Variants in TAF1D observed in about 807,000 individuals in gnomAD.
TAF1D encodes TATA box-binding protein-associated factor RNA polymerase I subunit D.
Under a neutral mutation model 26.2 loss-of-function variants are expected in TAF1D, and 23 were observed. That is an observed-to-expected ratio of 0.88 (90% CI 0.63 to 1.25). The LOEUF is 1.25. Ranked by LOEUF, TAF1D falls within the 50% of genes most tolerant of loss-of-function variation. The pLI is 0.00. For synonymous variants in TAF1D, 100 were observed against 105.6 expected, an observed-to-expected ratio of 0.95 and a Z score of 0.33; for missense variants, 299 against 322.0, an observed-to-expected ratio of 0.93 and a Z score of 0.55.
rs77234194 is a variant in TAF1D, at chr11:93,739,647, A to C, written c.-27-316T>G. 4.8e-3 allele frequency among the ~76,000 whole-genome samples: 730 copies of C among 152,336 alleles called. 6 individuals are homozygous for C. The highest frequency in any genetic ancestry group is 0.016 in the African/African-American group (651 of 41,574). On this transcript the variant is annotated intron_variant, in intron 1 of 5. Coordinates refer to ENST00000448108, the MANE Select transcript of TAF1D (RefSeq NM_024116.4). Reference sequence around the variant, plus strand: ...TCATTAGCCACATATTTTAACGTACAATTACCAATACAGTATTAATGTACA... The same window carrying C: ...TCATTAGCCACATATTTTAACGTACCATTACCAATACAGTATTAATGTACA...
At chr11:93,736,340 A>T (rs1439414261) in intron 5 of TAF1D, 36 bp from the exon 6 acceptor site, 1 of 1,570,642 alleles carries the variant, frequency 6.4e-7, no homozygotes, top group Non-Finnish European at 8.6e-7. Context: ...GGATTAAGCA[A>T]TAACTCAAAT....
intron 1 of TAF1D, 60 bp from the exon 2 acceptor site, chr11:93,739,391 T>C (rs2135520208): frequency 8.6e-7 from 1 of 1,162,394 alleles, no homozygotes; most frequent in East Asian, 2.4e-5. Flanking sequence ...CAGTATCTAC[T>C]ACAGTGTTGA....
At chr11:93,734,559 G>A, downstream of TAF1D, 1 of 462,576 alleles carries the variant, frequency 2.2e-6, no homozygotes, top group Non-Finnish European at 4.2e-6. Context: ...AATGAAACTT[G>A]CTCTGACAAC....
In TAF1D at chr11:93,738,310, G is replaced by A; in HGVS notation, c.258C>T (p.Asn86=). 2 of 1,608,772 alleles carry A rather than the reference G, an allele frequency of 1.2e-6. No individual in the cohort carries two copies. The highest frequency in any genetic ancestry group is 1.1e-5 in the South Asian group (1 of 89,648). Residue 86 remains asparagine, a synonymous_variant, in exon 3 of 6, where the codon AAC becomes AAT. Transcript: ENST00000448108. ...TIKAIFERFK[N]RKKRYKKKKK... Reference sequence around the variant, plus strand: ...TCTTTTTTTTATATCTCTTTTTCCTGTTCTTGAATCTTTCAAAAATAGCTT... The same window carrying A: ...TCTTTTTTTTATATCTCTTTTTCCTATTCTTGAATCTTTCAAAAATAGCTT...
downstream of TAF1D, chr11:93,731,705 A>C (rs943951292): frequency 3.8e-5 from 14 of 371,060 alleles, no homozygotes; most frequent in Non-Finnish European, 6.4e-5. Flanking sequence ...AAAAGCTAGT[A>C]TTCAACAAAA....
At chr11:93,730,380 A>G (rs1938289555) in exon 12 of TAF1D, 1 of 897,912 alleles carries the variant, frequency 1.1e-6, no homozygotes, top group South Asian at 1.4e-5. Context: ...GATTTCTTCC[A>G]CTGTCCATCA....
chr11:93,738,316 G>C lies in TAF1D; in HGVS notation c.252C>G (p.Phe84Leu). Residue 84 changes from phenylalanine to leucine, a missense_variant, in exon 3 of 6, where the codon TTC (phenylalanine) becomes TTG (leucine). Transcript: ENST00000448108. ...PLTIKAIFER[F>L]KNRKKRYKKK... The stretch of plus-strand genomic sequence containing the variant: ...TTTTATATCTCTTTTTCCTGTTCTT[G>C]AATCTTTCAAAAATAGCTTTTATAG... 2 of 1,609,204 alleles carry C rather than the reference G, an allele frequency of 1.2e-6. No homozygotes were observed. The highest frequency in any genetic ancestry group is 2.2e-5 in the East Asian group (1 of 44,830).
chr11:93,731,899 A>G, downstream of TAF1D: 1 of 394,154 alleles, frequency 2.5e-6, no homozygotes, highest in South Asian at 1.9e-5. Context: ...TATACAGCAC[A>G]TAAAAAAAGT....
downstream of TAF1D, chr11:93,733,928 A>G (rs1021817269): frequency 6.5e-6 from 1 of 152,738 alleles, no homozygotes; most frequent in Non-Finnish European, 1.5e-5. Flanking sequence ...ACTTCCTACT[A>G]CGTTAATCAC....
rs931792781 is a variant in TAF1D at position 93,741,312 on chromosome 11, AG to A, written c.-28+9del. Reference sequence around the variant, plus strand: ...CAGGCCCGGACGGCCTCGCCCTCTTAGCAACCTACCTAAAACGGCCTCGCAG... The same window carrying A: ...CAGGCCCGGACGGCCTCGCCCTCTTACAACCTACCTAAAACGGCCTCGCAG... On this transcript the variant is annotated intron_variant, in intron 1 of 5. Coordinates refer to ENST00000448108, the MANE Select transcript of TAF1D (RefSeq NM_024116.4). 8 of 456,170 alleles carry A rather than the reference AG, an allele frequency of 1.8e-5. No individual in the cohort carries two copies. Among genetic ancestry groups the A allele is most frequent in the African/African-American group, 1.6e-4 (8 of 50,178 alleles). 28.3% of individuals were successfully genotyped at this position (456,170 alleles called of 1,614,324 possible). A position where few individuals can be genotyped will look rare whatever the true frequency, so the allele number is the denominator to read the frequency against.
rs1565243075 is a variant in TAF1D, at chr11:93,737,257, CA to C, written c.460-19del. On this transcript the variant is annotated intron_variant, in intron 3 of 5. Coordinates refer to ENST00000448108, the MANE Select transcript of TAF1D (RefSeq NM_024116.4). ...ACAGCTTGCTATATATTAAAAACAC[CA>C]TAAGTATGTCGAGATTTTATTTTTA... 1 of 1,546,714 alleles carries C rather than the reference CA, an allele frequency of 6.5e-7. No homozygotes were observed. The highest frequency in any genetic ancestry group is 2.3e-5 in the East Asian group (1 of 43,342).
chr11:93,737,314 G>C lies in TAF1D; in HGVS notation c.460-75C>G, dbSNP rs1591283558. ...CAGCAGGTGCCTATGTTCAAAAAGG[G>C]CAATGCCCCCCCTTAGCAAAGACTC... On this transcript the variant is annotated intron_variant, in intron 3 of 5. Transcript: ENST00000448108. 10 of 1,013,088 alleles carry C rather than the reference G, an allele frequency of 9.9e-6. No homozygotes were observed. In the East Asian group the frequency reaches 2.6e-4, roughly 26 times the overall value. The allele number at this position is 1,013,088 out of a possible 1,614,324, so 62.8% of individuals were successfully genotyped here.
At chr11:93,739,532 T>TC (rs1941375494) in intron 1 of TAF1D, among the ~76,000 whole-genome samples, 1 of 152,212 alleles carries the variant, frequency 6.6e-6, no homozygotes, top group Middle Eastern at 3.2e-3. Flanking sequence ...GTTGTTACCC[T>TC]CTAAATGTAT....
chr11:93,733,693 G>T (rs753786516), downstream of TAF1D: 3 of 451,680 alleles, frequency 6.6e-6, no homozygotes, highest in East Asian at 1.7e-4. Context: ...TGAGCCCAGG[G>T]GTTCGAGGCT....
At chr11:93,736,823 A>G in intron 4 of TAF1D, 72 bp from the exon 5 acceptor site, 3 of 1,467,322 alleles carry the variant, frequency 2.0e-6, no homozygotes, top group Non-Finnish European at 2.8e-6. Flanking sequence ...TTCCACTCTG[A>G]AATATAACTG....
chr11:93,741,449 A>G lies in TAF1D; in HGVS notation c.-155T>C, dbSNP rs778361345. On this transcript the variant is annotated 5_prime_UTR_variant, in exon 1 of 6. Transcript: ENST00000448108. ...ACCACCCTCCCGACCTCAGCCCTCCAACTCCCGATAACCAGCCGACCTCCT... is the reference window on the plus strand; with the variant it reads ...ACCACCCTCCCGACCTCAGCCCTCCGACTCCCGATAACCAGCCGACCTCCT... 4.2e-5 allele frequency: 19 copies of G among 455,974 alleles called. No individual in the cohort carries two copies. The highest frequency in any genetic ancestry group is 3.2e-4 in the Middle Eastern group (1 of 3,098). 28.2% of individuals were successfully genotyped at this position (455,974 alleles called of 1,614,324 possible). A position where few individuals can be genotyped will look rare whatever the true frequency, so the allele number is the denominator to read the frequency against.
downstream of TAF1D, chr11:93,731,398 C>A: frequency 2.2e-6 from 1 of 461,030 alleles, no homozygotes; most frequent in East Asian, 6.2e-5. Flanking sequence ...TCAATGATCC[C>A]ATGCCCATTC....
downstream of TAF1D, chr11:93,730,996 T>G (rs1938566560): frequency 1.9e-6 from 1 of 518,544 alleles, no homozygotes; most frequent in Non-Finnish European, 3.8e-6. Context: ...CCCAATAAGC[T>G]GATTGCTAGC....
chr11:93,730,418 G>A (rs1396166917), exon 12 of TAF1D: 14 of 775,270 alleles, frequency 1.8e-5, no homozygotes, highest in Non-Finnish European at 3.0e-5. Context: ...CTAAAGAGCT[G>A]GAGTCAAAAG....
Sources: allele counts gnomAD v4.1 joint callset (sites outside exome capture counted in the v4.1 genomes callset), GRCh38; gene constraint gnomAD v4.1.1; transcripts MANE v1.5; gene names NCBI Gene and HGNC (gene_info 2026-07-23, HGNC 2026-07-21).